Variants in TLN1 observed in about 807,000 individuals in gnomAD.
TLN1 encodes the protein talin-1.
In TLN1, 56 loss-of-function variants were observed where a neutral mutation model predicts 292.3. That is an observed-to-expected ratio of 0.19 (90% confidence interval 0.15 to 0.24). The LOEUF (loss-of-function observed/expected upper bound fraction) is 0.24. Among genes scored for constraint, TLN1 ranks in the 10% least tolerant of loss-of-function variants. The probability of loss-of-function intolerance (pLI) is 1.00; values close to 1 mark genes in which losing one functional copy is unlikely to be tolerated. For missense variants in TLN1, 2,433 were observed against 3,248.2 expected (o/e 0.75, Z 6.10); for synonymous variants, 1,119 against 1,253.7 (o/e 0.89, Z 2.27).
At chr9:35,718,597 C>A (rs189590933) in intron 17 of TLN1, among the ~76,000 whole-genome samples, 1 of 152,098 alleles carries the variant, frequency 6.6e-6, no homozygotes, top group East Asian at 1.9e-4. Flanking sequence ...TAAATGAGGG[C>A]CAAGAGTAAA....
At position 35,706,403 on chromosome 9, in the gene TLN1, C is replaced by T. The variant is rs762351970; in HGVS notation, c.5191-37G>A. 2 of 1,612,942 alleles carry T rather than the reference C, an allele frequency of 1.2e-6. No homozygotes were observed. Among genetic ancestry groups the T allele is most frequent in the African/African-American group, 2.7e-5 (2 of 74,908 alleles). ...GGTTGGACTAGGGGTCAGGTCCCCT[C>T]TCTCTCACCCTACTCCCTGGGACTT... On this transcript the variant is annotated intron_variant, in intron 39 of 56. Transcript: ENST00000314888. This position sits in a 1 kb window ranked among gnomAD's most constrained non-coding sequence, Gnocchi z 4.2.
chr9:35,731,756 C>T (rs987334779), intron 1 of TLN1, among the ~76,000 whole-genome samples: 1 of 152,188 alleles, frequency 6.6e-6, no homozygotes, highest in Admixed American at 6.5e-5. Context: ...CCCACCTAAT[C>T]CCCAACTCAC....
At chr9:35,725,776 G>A (rs1825965263) in intron 1 of TLN1, 49 bp from the exon 2 acceptor site, 1 of 1,545,532 alleles carries the variant, frequency 6.5e-7, no homozygotes, top group Non-Finnish European at 8.8e-7. Flanking sequence ...GGTGGGAGAA[G>A]AGGCCCCCCA....
chr9:35,712,561 T>C (rs1219463839), intron 27 of TLN1, among the ~76,000 whole-genome samples: 1 of 147,894 alleles, frequency 6.8e-6, no homozygotes, highest in African/African-American at 2.5e-5. Context: ...GGCAGGAGAA[T>C]CACTTGAACC....
At chr9:35,703,439 G>T in intron 48 of TLN1, 121 bp downstream of exon 48, 1 of 971,530 alleles carries the variant, frequency 1.0e-6, no homozygotes, top group Non-Finnish European at 1.6e-6. Context: ...AAAGTCTGGC[G>T]ATAGATGAGA....
rs767808091 is a variant in TLN1 at position 35,717,768 on chromosome 9, C to T, written c.2014G>A (p.Ala672Thr). 6.8e-6 allele frequency: 11 copies of T among 1,606,648 alleles called. No homozygotes were observed. The highest frequency in any genetic ancestry group is 3.3e-5 in the South Asian group (3 of 90,814). ...GCTGCAGCACTTGCCACAGCTTTGG[C>T]GAGCTGCATTAGCGCATCCTGTGAG... ...PHFQDALMQLAKAVASAAAAL... is the reference protein window; with the variant it reads ...PHFQDALMQLTKAVASAAAAL... Residue 672 changes from alanine to threonine, a missense_variant, in exon 18 of 57, where the codon GCC becomes ACC. By Grantham distance (58) the Ala-to-Thr change is moderately conservative. Coordinates refer to ENST00000314888, the MANE Select transcript of TLN1 (RefSeq NM_006289.4). The surrounding 1 kb of genome is among the most constrained non-coding windows in gnomAD (Gnocchi z 4.7).
In TLN1 at chr9:35,717,088, C is replaced by T; in HGVS notation, c.2458+58G>A. On this transcript the variant is annotated intron_variant, in intron 19 of 56. Coordinates refer to ENST00000314888, the MANE Select transcript of TLN1 (RefSeq NM_006289.4). The surrounding 1 kb of genome is among the most constrained non-coding windows in gnomAD (Gnocchi z 4.7). ...GTTAGGTCCGCAAGGGGATGATGTCCAGTGGGCTTAGGGAACCCTGGTAGG... is the reference window on the plus strand; with the variant it reads ...GTTAGGTCCGCAAGGGGATGATGTCTAGTGGGCTTAGGGAACCCTGGTAGG... 6.5e-7 allele frequency: 1 copy of T among 1,538,540 alleles called. No homozygotes were observed. The highest frequency in any genetic ancestry group is 1.9e-5 in the Admixed American group (1 of 52,124).
intron 7 of TLN1, chr9:35,723,173 C>T (rs958865345): frequency 6.1e-6 from 2 of 327,356 alleles, no homozygotes. Context: ...ACGATCTCAG[C>T]TCACCAAAAC....
At chr9:35,723,359 T>C in intron 7 of TLN1, 1 of 200,176 alleles carries the variant, frequency 5.0e-6, no homozygotes. Flanking sequence ...CGCCCTGGCC[T>C]CCCAAAGTGC....
rs141243445 is a variant in TLN1 at position 35,725,982 on chromosome 9, A to T, written c.-33-255T>A. On this transcript the variant is annotated intron_variant, in intron 1 of 56. Transcript: ENST00000314888. ...GGCTAGAGTACAGTGGTGCGATCTC[A>T]GCTCGCTGCAAGCTCCGCCTCCTGG... Among the ~76,000 whole-genome samples the T allele has an allele frequency of 2.8e-4, 42 of 152,104 alleles. No individual in the cohort carries two copies. The East Asian group carries it at 7.9e-3, about 29-fold the overall frequency.
Position 35,719,334 on chromosome 9 carries a change from AG to A in TLN1, c.1688-53del, listed in dbSNP as rs754449914. On this transcript the variant is annotated intron_variant, in intron 15 of 56. Transcript: ENST00000314888. This position sits in a 1 kb window ranked among gnomAD's most constrained non-coding sequence, Gnocchi z 4.6. ...ATGAGAGACAGGGCAGGCCAGACGAAGGGCTGGGGAGGGAGCAAAGTCACAC... is the reference window on the plus strand; with the variant it reads ...ATGAGAGACAGGGCAGGCCAGACGAAGGCTGGGGAGGGAGCAAAGTCACAC... 9 of 1,557,878 alleles carry A rather than the reference AG, an allele frequency of 5.8e-6. No individual in the cohort carries two copies. The highest frequency in any genetic ancestry group is 7.9e-6 in the Non-Finnish European group (9 of 1,137,330).
In TLN1 at chr9:35,719,113, C is replaced by T; in HGVS notation, c.1857G>A (p.Val619=). 1 of 1,614,002 alleles carries T rather than the reference C, an allele frequency of 6.2e-7. No homozygotes were observed. Among genetic ancestry groups the T allele is most frequent in the Non-Finnish European group, 8.5e-7 (1 of 1,180,026 alleles). ...LQAAKGLAGA[V]SELLRSAQPA... is the part of the protein sequence containing the mutation. Reference sequence around the variant, plus strand: ...GTTGGGCACTGCGCAGCAGTTCTGACACTGCTCCCGCAAGGCCCTTTGCTG... The same window carrying T: ...GTTGGGCACTGCGCAGCAGTTCTGATACTGCTCCCGCAAGGCCCTTTGCTG... The change falls in exon 16 of 57, where the codon GTG becomes GTA. Residue 619 remains valine (V), a synonymous_variant. Transcript: ENST00000314888. This position sits in a 1 kb window ranked among gnomAD's most constrained non-coding sequence, Gnocchi z 4.6.
At position 35,697,898 on chromosome 9, in the gene TLN1, C is replaced by T; in HGVS notation, c.7519G>A (p.Glu2507Lys). 6.2e-7 allele frequency: 1 copy of T among 1,614,198 alleles called. No homozygotes were observed. Among genetic ancestry groups the T allele is most frequent in the Non-Finnish European group, 8.5e-7 (1 of 1,180,040 alleles). Residue 2507 changes from glutamate to lysine, a missense_variant, in exon 57 of 57, where the codon GAA (glutamate) becomes AAA (lysine). Physicochemically the swap from Glu to Lys is moderately conservative, Grantham distance 56 (BLOSUM62 1). Transcript: ENST00000314888. ...AGCTCTCGTTCCTTCCGAAGCATTTCTTCCTGTGCTGCGATGATCTGAGGG... is the reference window on the plus strand; with the variant it reads ...AGCTCTCGTTCCTTCCGAAGCATTTTTTCCTGTGCTGCGATGATCTGAGGG... ...GIAQIIAAQE[E>K]MLRKERELEE...
rs761229833 is a variant in TLN1 at position 35,717,812 on chromosome 9, AC to A, written c.1996-27del. The A allele has an allele frequency of 2.5e-6, 4 of 1,583,986 alleles. No homozygotes were observed. In the South Asian group the frequency reaches 3.4e-5, roughly 13 times the overall value. ...CTGTGAGAAAACAGCAGTTAGCATG[AC>A]CTGAGATTGGGCTTGGGATTCACAG... On this transcript the variant is annotated intron_variant, in intron 17 of 56. Transcript: ENST00000314888. The surrounding 1 kb of genome is among the most constrained non-coding windows in gnomAD (Gnocchi z 4.7).
intron 20 of TLN1, 123 bp downstream of exon 20, chr9:35,716,267 T>A (rs1825781548): frequency 9.0e-7 from 1 of 1,105,826 alleles, no homozygotes; most frequent in Admixed American, 2.5e-5. Context: ...TGAGTGCTCC[T>A]ATATTTGTCC....
chr9:35,720,319 C>A, intron 12 of TLN1, 100 bp from the exon 13 acceptor site: 1 of 1,537,196 alleles, frequency 6.5e-7, no homozygotes, highest in Non-Finnish European at 8.8e-7. Flanking sequence ...CTCACTACAG[C>A]CTGCAACTAG....
At chr9:35,703,254 G>A (rs946802573) in intron 48 of TLN1, among the ~76,000 whole-genome samples, 1 of 152,162 alleles carries the variant, frequency 6.6e-6, no homozygotes, top group African/African-American at 2.4e-5. Context: ...CTGAGATCAC[G>A]CCACTGCACT....
intron 12 of TLN1, 48 bp downstream of exon 12, chr9:35,720,385 T>C (rs1563945942): frequency 1.2e-6 from 2 of 1,601,142 alleles, no homozygotes; most frequent in African/African-American, 2.7e-5. Flanking sequence ...AGTCAGGCCT[T>C]GCCTTCTCTA....
chr9:35,725,484 G>T (rs1419021324), intron 2 of TLN1, 81 bp downstream of exon 2: 7 of 1,575,612 alleles, frequency 4.4e-6, no homozygotes, highest in Non-Finnish European at 6.1e-6. Context: ...GGGACAAAGG[G>T]GTCAACTCTC....
Sources: gnomAD v4.1 joint callset for allele counts (sites outside exome capture counted in the v4.1 genomes callset) on GRCh38, gnomAD v4.1.1 for gene constraint, Gnocchi (gnomAD v3.1) non-coding constraint, MANE v1.5 for transcripts, NCBI Gene and HGNC (gene_info 2026-07-23, HGNC 2026-07-21) for gene names.